The following MAMDC2 variants were observed in gnomAD, a reference collection of about 807,000 sequenced individuals.
The protein encoded by MAMDC2 is MAM domain-containing protein 2.
MAMDC2 carries 57 observed loss-of-function variants against 89.8 expected under a neutral mutation model. The ratio of observed to expected loss-of-function variants is 0.63; its 90% CI spans 0.51 to 0.79. The LOEUF (loss-of-function observed/expected upper bound fraction) is 0.79, where lower values mean the gene tolerates loss of function less well. Ranked by LOEUF, MAMDC2 falls within the 30% of genes least tolerant of loss-of-function variation. The pLI is 0.00. For missense variants in MAMDC2, 800 were observed against 820.6 expected (o/e 0.97, Z 0.31); for synonymous variants, 313 against 293.4 (o/e 1.07, Z -0.68).
chr9:70,084,543 C>G (rs1388131443), intron 2 of MAMDC2, among the ~76,000 whole-genome samples: 2 of 151,992 alleles, frequency 1.3e-5, no homozygotes, highest in Non-Finnish European at 1.5e-5. Flanking sequence ...TCACCTCACC[C>G]CCTGCCTAAC....
chr9:70,168,839 C>T, intron 10 of MAMDC2, 44 bp downstream of exon 10: 2 of 1,443,702 alleles, frequency 1.4e-6, no homozygotes, highest in Non-Finnish European at 1.9e-6. Flanking sequence ...CTGACCTATA[C>T]ATACATTTCC....
intron 2 of MAMDC2, chr9:70,082,812 G>A (rs1827683214): frequency 6.6e-6 from 1 of 152,096 alleles, no homozygotes; most frequent in African/African-American, 2.4e-5. Context: ...TGCCTTTGAA[G>A]AGAGGCAATT....
intron 9 of MAMDC2, among the ~76,000 whole-genome samples, chr9:70,155,081 C>T (rs2031711700): frequency 6.6e-6 from 1 of 152,124 alleles, no homozygotes; most frequent in Non-Finnish European, 1.5e-5. Flanking sequence ...CCTTGGTCCT[C>T]CTAATGCCTG....
intron 11 of MAMDC2, among the ~76,000 whole-genome samples, chr9:70,175,151 T>A (rs2032457300): frequency 2.0e-5 from 3 of 152,200 alleles, no homozygotes; most frequent in Non-Finnish European, 4.4e-5. Context: ...AGACTAGGCG[T>A]GCAAATGAAG....
At chr9:70,113,632 T>A (rs1246671178) in intron 5 of MAMDC2, 1 of 154,606 alleles carries the variant, frequency 6.5e-6, no homozygotes, top group East Asian at 1.9e-4. Flanking sequence ...AGGCTGCTTC[T>A]CTGCAAGGAA....
chr9:70,217,330 C>A, intron 11 of MAMDC2: 1 of 1,390,756 alleles, frequency 7.2e-7, no homozygotes, highest in Non-Finnish European at 1.0e-6. Flanking sequence ...CAAGAGGAAT[C>A]CTTGGCAGAT....
chr9:70,192,591 G>A (rs1483019896), intron 11 of MAMDC2, among the ~76,000 whole-genome samples: 1 of 152,064 alleles, frequency 6.6e-6, no homozygotes, highest in Non-Finnish European at 1.5e-5. Flanking sequence ...GCTTTAAACT[G>A]CCTAAGAGAC....
intron 11 of MAMDC2, among the ~76,000 whole-genome samples, chr9:70,177,559 T>A (rs1276359538): frequency 6.6e-6 from 1 of 152,202 alleles, no homozygotes; most frequent in Non-Finnish European, 1.5e-5. Context: ...ATTTACCACG[T>A]GTAGGCACTG....
intron 9 of MAMDC2, chr9:70,148,026 T>C (rs1033138047): frequency 6.6e-6 from 1 of 150,412 alleles, no homozygotes; most frequent in Non-Finnish European, 1.5e-5. Context: ...TGTCCAGCTG[T>C]AGAGTTATCG....
intron 2 of MAMDC2, among the ~76,000 whole-genome samples, chr9:70,093,261 C>T (rs747315171): frequency 1.3e-5 from 2 of 152,126 alleles, no homozygotes; most frequent in Non-Finnish European, 2.9e-5. Context: ...CTTAGCAAAA[C>T]TGGTAAGATA....
At chr9:70,224,721 A>G (rs570764015) in intron 12 of MAMDC2, among the ~76,000 whole-genome samples, 2 of 152,286 alleles carry the variant, frequency 1.3e-5, no homozygotes, top group South Asian at 4.2e-4. Flanking sequence ...ACACCCTCAC[A>G]TACATACTGA....
At chr9:70,043,632 G>A (rs1035717731), upstream of MAMDC2, 1 of 155,322 alleles carries the variant, frequency 6.4e-6, no homozygotes, top group Admixed American at 6.2e-5. Context: ...TCATTCTGGG[G>A]AGAAGAAGTT....
intron 8 of MAMDC2, among the ~76,000 whole-genome samples, 175 bp downstream of exon 8, chr9:70,140,463 C>T (rs940383329): frequency 6.6e-6 from 1 of 152,096 alleles, no homozygotes; most frequent in Non-Finnish European, 1.5e-5. Context: ...TTCAAGTTGC[C>T]GTGTTAACAA....
intron 2 of MAMDC2, among the ~76,000 whole-genome samples, chr9:70,057,262 T>A (rs892676227): frequency 6.6e-6 from 1 of 152,162 alleles, no homozygotes; most frequent in Admixed American, 6.5e-5. Context: ...CCATCCCCTA[T>A]TAAAGAACAT....
At chr9:70,094,139 A>T (rs1385366737) in intron 2 of MAMDC2, among the ~76,000 whole-genome samples, 1 of 152,228 alleles carries the variant, frequency 6.6e-6, no homozygotes, top group Non-Finnish European at 1.5e-5. Context: ...TGTTTTTGCC[A>T]GGCTTAATGC....
At chr9:70,115,138 A>G (rs1343021456) in intron 5 of MAMDC2, among the ~76,000 whole-genome samples, 1 of 152,156 alleles carries the variant, frequency 6.6e-6, no homozygotes, top group Non-Finnish European at 1.5e-5. Context: ...TGGGCAGGGG[A>G]GAGACACCAT....
In MAMDC2 at chr9:70,192,182, T is replaced by C. The variant is rs114530210; in HGVS notation, c.1651+21551T>C. ...ATCTTGATCCCTCATGTCCTTGCTG[T>C]TTGGAAATCTCTCTGATAACTTCAA... On this transcript the variant is annotated intron_variant, in intron 11 of 13. Transcript: ENST00000377182. Among the ~76,000 whole-genome samples, 1,499 of 152,230 alleles carry C rather than the reference T, an allele frequency of 9.8e-3. 36 individuals carry two copies. Among genetic ancestry groups the C allele is most frequent in the African/African-American group, 0.034 (1,393 of 41,544 alleles).
At chr9:70,194,547 C>T (rs1563994527) in intron 11 of MAMDC2, 1 of 152,102 alleles carries the variant, frequency 6.6e-6, no homozygotes, top group African/African-American at 2.4e-5. Flanking sequence ...GACTTACCAG[C>T]CTCCAAAACT....
At chr9:70,109,115 A>T (rs1447761922) in intron 3 of MAMDC2, 1 of 152,442 alleles carries the variant, frequency 6.6e-6, no homozygotes, top group African/African-American at 2.4e-5. Context: ...CAATGGAGCC[A>T]TCATGAAAAT....
Sources: gnomAD v4.1 joint callset for allele counts (sites outside exome capture counted in the v4.1 genomes callset) on GRCh38, gnomAD v4.1.1 for gene constraint, MANE v1.5 for transcripts, NCBI Gene and HGNC (gene_info 2026-07-23, HGNC 2026-07-21) for gene names.